The following HOMER1 variants were observed in gnomAD, a reference collection of about 807,000 sequenced individuals.
HOMER1 encodes the protein homer scaffold protein 1, also known as homer protein homolog 1.
HOMER1 carries 3 observed loss-of-function variants against 48.9 expected under a neutral mutation model. The ratio of observed to expected loss-of-function variants is 0.06; its 90% CI spans 0.03 to 0.16. HOMER1 has a LOEUF of 0.16. HOMER1 is among the 10% of genes least tolerant of loss of function. The pLI, the probability that HOMER1 is intolerant of heterozygous loss-of-function variation, is 1.00. For missense variants in HOMER1, 247 were observed against 411.4 expected, an observed-to-expected ratio of 0.60 and a Z score of 3.46; for synonymous variants, 134 against 146.4, an observed-to-expected ratio of 0.92 and a Z score of 0.61.
chr5:79,431,503 C>G (rs954342274), intron 5 of HOMER1, among the ~76,000 whole-genome samples: 19 of 152,066 alleles, frequency 1.2e-4, no homozygotes, highest in African/African-American at 4.6e-4. Context: ...CTAATGAGTA[C>G]AGGGTTTTTT....
At chr5:79,413,037 T>C (rs1749848584) in intron 5 of HOMER1, among the ~76,000 whole-genome samples, 1 of 152,054 alleles carries the variant, frequency 6.6e-6, no homozygotes, top group East Asian at 1.9e-4. Flanking sequence ...AGCAGAATGG[T>C]AGTGAGAAAG....
intron 5 of HOMER1, among the ~76,000 whole-genome samples, chr5:79,432,477 G>A (rs1252128520): frequency 2.6e-5 from 4 of 152,210 alleles, no homozygotes; most frequent in African/African-American, 9.7e-5. Flanking sequence ...CAGAGGTAGA[G>A]AAGAGGAAGG....
intron 8 of HOMER1, among the ~76,000 whole-genome samples, chr5:79,379,195 A>AT (rs1748877953): frequency 2.3e-5 from 2 of 88,780 alleles, no homozygotes; most frequent in African/African-American, 9.0e-5. Flanking sequence ...ATATATCTAT[A>AT]ATATATATTA....
chr5:79,391,298 C>T (rs900660391), intron 8 of HOMER1, among the ~76,000 whole-genome samples: 13 of 151,860 alleles, frequency 8.6e-5, no homozygotes, highest in African/African-American at 3.1e-4. Context: ...CCACCGCATC[C>T]GGCTAATTTT....
chr5:79,389,630 G>A (rs1749197890), intron 8 of HOMER1, among the ~76,000 whole-genome samples: 3 of 152,138 alleles, frequency 2.0e-5, no homozygotes, highest in Admixed American at 6.5e-5. Context: ...CCCTCTGGAG[G>A]ATGCAGCAAC....
At chr5:79,503,725 CAAA>C (rs34548421) in intron 1 of HOMER1, among the ~76,000 whole-genome samples, 5,249 of 123,048 alleles carry the variant, frequency 0.043, 203 homozygotes, top group East Asian at 0.21. Context: ...ACTCTGCCTC[CAAA>C]AAAAAAAAAA....
chr5:79,461,168 T>C (rs1751307558), intron 1 of HOMER1, among the ~76,000 whole-genome samples: 2 of 152,200 alleles, frequency 1.3e-5, no homozygotes, highest in South Asian at 4.1e-4. Context: ...AGAAAAAAGC[T>C]GTAGAAGAGG....
chr5:79,450,919 T>C (rs1438498499), intron 3 of HOMER1, 71 bp downstream of exon 3: 4 of 1,412,254 alleles, frequency 2.8e-6, no homozygotes, highest in Non-Finnish European at 3.9e-6. Context: ...TACTCTCCAT[T>C]TGGTATTATA....
At chr5:79,499,251 A>G (rs910129945) in intron 1 of HOMER1, among the ~76,000 whole-genome samples, 8 of 152,224 alleles carry the variant, frequency 5.3e-5, no homozygotes, top group Non-Finnish European at 8.8e-5. Context: ...AAATAGATGC[A>G]TAAGTATTCC....
In HOMER1 at chr5:79,415,410, G is replaced by C. The variant is rs1467969838; in HGVS notation, c.528-13355C>G. Among the ~76,000 whole-genome samples, 10 of 152,092 alleles carry C rather than the reference G, an allele frequency of 6.6e-5. 1 individual carries two copies. Among genetic ancestry groups the C allele is most frequent in the Admixed American group, 6.6e-4 (10 of 15,260 alleles). ...ACTGATAGCACAAAAAAATGATATC[G>C]AGGTGAAAAACATGGACATAAATTG... On this transcript the variant is annotated intron_variant, in intron 5 of 8. Transcript: ENST00000334082.
chr5:79,491,103 A>AAAAAAAAAAAT (rs1752262062), intron 1 of HOMER1, among the ~76,000 whole-genome samples: 1 of 129,862 alleles, frequency 7.7e-6, no homozygotes, highest in Non-Finnish European at 1.6e-5. Flanking sequence ...AAAAAAAAAA[A>AAAAAAAAAAAT]AAAAAAAGCT....
chr5:79,421,029 C>T (rs1750083568), intron 5 of HOMER1, among the ~76,000 whole-genome samples: 1 of 152,162 alleles, frequency 6.6e-6, no homozygotes, highest in Non-Finnish European at 1.5e-5. Flanking sequence ...CTACAAAATA[C>T]TCCACAAAGA....
chr5:79,502,262 C>G (rs560682502), intron 1 of HOMER1, among the ~76,000 whole-genome samples: 2 of 152,084 alleles, frequency 1.3e-5, no homozygotes, highest in Admixed American at 6.5e-5. Context: ...TGGTGATCTG[C>G]CCGCCTTGGC....
Position 79,466,126 on chromosome 5 carries a change from A to C in HOMER1, c.6-9108T>G, listed in dbSNP as rs1751458035. The stretch of plus-strand genomic sequence containing the variant: ...GTATGTATTAAATAACTGCCAAGTG[A>C]CTTTGTCCTTACCACCCATTAAAAA... On this transcript the variant is annotated intron_variant, in intron 1 of 8. Coordinates refer to ENST00000334082, the MANE Select transcript of HOMER1 (RefSeq NM_004272.5). Among the ~76,000 whole-genome samples, 3 of 152,132 alleles carry C rather than the reference A, an allele frequency of 2.0e-5. No homozygotes were observed. In the South Asian group the frequency reaches 6.2e-4, roughly 31 times the overall value.
intron 7 of HOMER1, among the ~76,000 whole-genome samples, chr5:79,397,323 G>A (rs1749413789): frequency 6.6e-6 from 1 of 152,104 alleles, no homozygotes; most frequent in East Asian, 1.9e-4. Context: ...ATCTCGGTCT[G>A]ACTGCCTCAC....
At chr5:79,478,455 G>T (rs1462490289) in intron 1 of HOMER1, among the ~76,000 whole-genome samples, 4 of 152,052 alleles carry the variant, frequency 2.6e-5, no homozygotes, top group African/African-American at 9.7e-5. Context: ...TTGGGAGGCC[G>T]AGGCGGGCGG....
intron 1 of HOMER1, among the ~76,000 whole-genome samples, chr5:79,485,178 T>C (rs1239996062): frequency 6.6e-6 from 1 of 152,202 alleles, no homozygotes; most frequent in Non-Finnish European, 1.5e-5. Context: ...TATTTGGCTA[T>C]TCCCTGAGAG....
chr5:79,441,599 TA>T (rs1750738560), intron 4 of HOMER1, among the ~76,000 whole-genome samples: 1 of 152,144 alleles, frequency 6.6e-6, no homozygotes, highest in South Asian at 2.1e-4. Flanking sequence ...ATACCTAAAG[TA>T]AAAAACAAAA....
chr5:79,396,610 T>C (rs1458303091), intron 8 of HOMER1, among the ~76,000 whole-genome samples: 2 of 152,062 alleles, frequency 1.3e-5, no homozygotes, highest in Non-Finnish European at 2.9e-5. Flanking sequence ...TAATTTACAA[T>C]TTATAAATGA....
Sources: gnomAD v4.1 joint callset for allele counts (sites outside exome capture counted in the v4.1 genomes callset) on GRCh38, gnomAD v4.1.1 for gene constraint, MANE v1.5 for transcripts, NCBI Gene and HGNC (gene_info 2026-07-23, HGNC 2026-07-21) for gene names.